Variants in GRM1 observed in about 807,000 individuals in gnomAD.
GRM1 encodes glutamate metabotropic receptor 1.
In GRM1, 33 loss-of-function variants were observed where a neutral mutation model predicts 90.9. The observed-to-expected ratio is 0.36, with a 90% CI of 0.28 to 0.49. GRM1 has a LOEUF of 0.49. Ranked by LOEUF, GRM1 falls within the 20% of genes least tolerant of loss-of-function variation. GRM1 has a pLI of 0.99. For missense variants in GRM1, 1,190 were observed against 1,534.3 expected (o/e 0.78, Z 3.75); for synonymous variants, 700 against 613.2 (o/e 1.14, Z -2.09).
At chr6:146,197,031 A>C (rs918771116) in intron 2 of GRM1, among the ~76,000 whole-genome samples, 1 of 152,232 alleles carries the variant, frequency 6.6e-6, no homozygotes, top group Non-Finnish European at 1.5e-5. Flanking sequence ...ATAGAAAATG[A>C]TAAATAAGTA....
chr6:146,054,770 T>C (rs7755440), intron 1 of GRM1, among the ~76,000 whole-genome samples: 56,032 of 152,008 alleles, frequency 0.37, 11,044 homozygotes, highest in Middle Eastern at 0.51. Flanking sequence ...ATAGAAAGAA[T>C]AGGACAAAGA....
At chr6:146,082,613 C>G (rs1479873683) in intron 1 of GRM1, among the ~76,000 whole-genome samples, 1 of 152,188 alleles carries the variant, frequency 6.6e-6, no homozygotes, top group East Asian at 1.9e-4. Flanking sequence ...AAATCCATCT[C>G]TAAATGTTTC....
intron 3 of GRM1, among the ~76,000 whole-genome samples, chr6:146,334,704 A>G: frequency 6.6e-6 from 1 of 152,164 alleles, no homozygotes; most frequent in East Asian, 1.9e-4. Context: ...CAGGTTTTGA[A>G]CAGTTGCAGA....
chr6:146,159,694 A>G, intron 2 of GRM1, 97 bp downstream of exon 2: 1 of 1,235,652 alleles, frequency 8.1e-7, no homozygotes, highest in Non-Finnish European at 1.1e-6. Flanking sequence ...TGCTTTCACA[A>G]AACTAGACTT....
intron 2 of GRM1, among the ~76,000 whole-genome samples, chr6:146,286,370 A>G (rs1782767510): frequency 6.6e-6 from 1 of 152,186 alleles, no homozygotes; most frequent in South Asian, 2.1e-4. Context: ...AGAATTTCAC[A>G]TTTAAATAGC....
intron 5 of GRM1, among the ~76,000 whole-genome samples, chr6:146,359,980 GA>G (rs147110609): frequency 0.2 from 29,860 of 152,002 alleles, 3,866 homozygotes; most frequent in African/African-American, 0.37. Flanking sequence ...GGGAGGTATG[GA>G]AACAAATGAA....
At chr6:146,140,090 A>ACTCTTTCT (rs1486556879) in intron 1 of GRM1, among the ~76,000 whole-genome samples, 2 of 57,838 alleles carry the variant, frequency 3.5e-5, no homozygotes, top group East Asian at 5.5e-4. Context: ...TTCTTTCTTT[A>ACTCTTTCT]TTCTTTCTTT....
chr6:146,202,804 G>A lies in GRM1; in HGVS notation c.950+43207G>A, dbSNP rs552699196. ...TGCTGGGTTGGCTGCAAGAACTTCA[G>A]CAGAAAACTTTTTAAAAATTAGTCG... On this transcript the variant is annotated intron_variant, in intron 2 of 7. Coordinates refer to ENST00000282753, the MANE Select transcript of GRM1 (RefSeq NM_001278064.2). 1.8e-3 allele frequency among the ~76,000 whole-genome samples: 269 copies of A among 152,282 alleles called. 2 individuals are homozygous for A. The highest frequency in any genetic ancestry group is 6.2e-3 in the African/African-American group (257 of 41,548).
intron 2 of GRM1, among the ~76,000 whole-genome samples, chr6:146,282,534 T>G (rs1782607232): frequency 6.6e-6 from 1 of 151,300 alleles, no homozygotes; most frequent in Non-Finnish European, 1.5e-5. Flanking sequence ...TGAATGTCTC[T>G]CCTTCCAGCC....
intron 1 of GRM1, among the ~76,000 whole-genome samples, chr6:146,121,993 C>T (rs1583032473): frequency 2.0e-5 from 3 of 152,216 alleles, no homozygotes; most frequent in African/African-American, 7.2e-5. Context: ...TCCTTGTTAA[C>T]TTTCTGTCTC....
At chr6:146,159,832 T>C in intron 2 of GRM1, 1 of 506,022 alleles carries the variant, frequency 2.0e-6, no homozygotes, top group South Asian at 2.1e-5. Flanking sequence ...GGAGGATTGG[T>C]TAAGCCCAGG....
At chr6:146,378,982 G>A (rs1401843147) in intron 5 of GRM1, among the ~76,000 whole-genome samples, 1 of 152,140 alleles carries the variant, frequency 6.6e-6, no homozygotes, top group Non-Finnish European at 1.5e-5. Flanking sequence ...ATGATTGTGA[G>A]GCTTCCCCAA....
intron 2 of GRM1, among the ~76,000 whole-genome samples, chr6:146,283,540 G>T (rs1001421647): frequency 6.6e-6 from 1 of 152,118 alleles, no homozygotes; most frequent in African/African-American, 2.4e-5. Context: ...TGTTATAAAA[G>T]AACTTTGGAT....
intron 1 of GRM1, among the ~76,000 whole-genome samples, chr6:146,158,029 CT>C (rs1415250037): frequency 6.6e-6 from 1 of 152,068 alleles, no homozygotes; most frequent in African/African-American, 2.4e-5. Context: ...AGAAAATTTA[CT>C]TACAGGGGTG....
intron 5 of GRM1, among the ~76,000 whole-genome samples, chr6:146,367,438 C>A (rs541278775): frequency 6.6e-6 from 1 of 151,806 alleles, no homozygotes; most frequent in South Asian, 2.1e-4. Context: ...TTATTTTTTA[C>A]TTTTATTTTA....
chr6:146,283,484 G>T (rs1477517136), intron 2 of GRM1, among the ~76,000 whole-genome samples: 5 of 152,242 alleles, frequency 3.3e-5, no homozygotes, highest in South Asian at 2.1e-4. Flanking sequence ...AGCAAGTTTT[G>T]CTCTCATTAG....
chr6:146,110,268 G>C (rs1313372435), intron 1 of GRM1, among the ~76,000 whole-genome samples: 1 of 152,168 alleles, frequency 6.6e-6, no homozygotes, highest in Non-Finnish European at 1.5e-5. Context: ...CCTGGTGGAA[G>C]ATAATTGAAT....
chr6:146,335,183 T>C (rs1334004630), intron 3 of GRM1, among the ~76,000 whole-genome samples: 1 of 152,210 alleles, frequency 6.6e-6, no homozygotes, highest in Non-Finnish European at 1.5e-5. Context: ...TATATCTTCA[T>C]GAATATTGTA....
intron 1 of GRM1, among the ~76,000 whole-genome samples, chr6:146,103,733 CA>C (rs1180060486): frequency 1.3e-5 from 2 of 152,168 alleles, no homozygotes; most frequent in Non-Finnish European, 2.9e-5. Context: ...ACCAAGTAAA[CA>C]GATTCATTCA....
Sources: gnomAD v4.1 joint callset for allele counts (sites outside exome capture counted in the v4.1 genomes callset) on GRCh38, gnomAD v4.1.1 for gene constraint, MANE v1.5 for transcripts, NCBI Gene and HGNC (gene_info 2026-07-23, HGNC 2026-07-21) for gene names.